FBXO11: variants seen among roughly 807,000 people sequenced by gnomAD.
FBXO11 encodes F-box only protein 11.
In FBXO11, 13 loss-of-function variants were observed where a neutral mutation model predicts 117.0. The observed-to-expected ratio is 0.11, with a 90% CI of 0.07 to 0.18. The LOEUF is 0.18. Among genes scored for constraint, FBXO11 ranks in the 10% least tolerant of loss-of-function variants. The pLI, the probability that FBXO11 is intolerant of heterozygous loss-of-function variation, is 1.00. For synonymous variants in FBXO11, 490 were observed against 380.5 expected (o/e 1.29, Z -3.35); for missense variants, 767 against 1,164.4 (o/e 0.66, Z 4.97).
intron 1 of FBXO11, among the ~76,000 whole-genome samples, chr2:47,872,028 T>A (rs748673182): frequency 1.3e-5 from 2 of 152,230 alleles, no homozygotes; most frequent in African/African-American, 2.4e-5. Context: ...GCTTCTTTTA[T>A]CCCTCTGAAT....
chr2:47,826,027 TAC>T (rs879533351), intron 11 of FBXO11, among the ~76,000 whole-genome samples: 3 of 152,018 alleles, frequency 2.0e-5, no homozygotes, highest in Admixed American at 6.5e-5. Context: ...GTTTTGATTT[TAC>T]AGAGTTAAGA....
At chr2:47,818,092 G>A (rs948174682) in intron 16 of FBXO11, among the ~76,000 whole-genome samples, 2 of 152,192 alleles carry the variant, frequency 1.3e-5, no homozygotes, top group African/African-American at 4.8e-5. Context: ...TCCAGCCTGG[G>A]CAACAAGAGT....
intron 1 of FBXO11, among the ~76,000 whole-genome samples, chr2:47,858,476 G>T (rs1180164613): frequency 6.7e-6 from 1 of 150,364 alleles, no homozygotes; most frequent in Non-Finnish European, 1.5e-5. Flanking sequence ...GAAGTCACGA[G>T]CTCAAGACCA....
chr2:47,852,191 T>A (rs986036383), intron 1 of FBXO11, among the ~76,000 whole-genome samples: 1 of 152,114 alleles, frequency 6.6e-6, no homozygotes, highest in African/African-American at 2.4e-5. Context: ...GGTTTCGCCA[T>A]GTTGGCCAGG....
intron 1 of FBXO11, among the ~76,000 whole-genome samples, chr2:47,868,566 CTACTT>C (rs1431890425): frequency 3.3e-5 from 5 of 152,196 alleles, no homozygotes; most frequent in Non-Finnish European, 5.9e-5. Flanking sequence ...TGACAGCTCT[CTACTT>C]TAATCGCCCA....
rs546267929 is a variant in FBXO11 at position 47,854,780 on chromosome 2, C to A, written c.233-15011G>T. Among the ~76,000 whole-genome samples, 21 of 151,866 alleles carry A rather than the reference C, an allele frequency of 1.4e-4. No homozygotes were observed. The South Asian group carries it at 4.4e-3, about 32-fold the overall frequency. ...GATGCTGATGGTGGTGGACCAGGAT[C>A]ACGCTTTGAGAACCATGGGAGTCAA... On this transcript the variant is annotated intron_variant, in intron 1 of 22. Coordinates refer to ENST00000403359, the MANE Select transcript of FBXO11 (RefSeq NM_001190274.2).
At chr2:47,891,222 C>A (rs185967388) in intron 1 of FBXO11, among the ~76,000 whole-genome samples, 1 of 152,126 alleles carries the variant, frequency 6.6e-6, no homozygotes, top group Admixed American at 6.6e-5. Flanking sequence ...TACTGTATGG[C>A]GGAACTTATT....
chr2:47,810,623 A>T (rs1040211119), intron 18 of FBXO11, 197 bp from the exon 19 acceptor site: 2 of 475,674 alleles, frequency 4.2e-6, no homozygotes, highest in African/African-American at 2.0e-5. Context: ...ATGACAGGTA[A>T]GAGCATTCTG....
intron 1 of FBXO11, among the ~76,000 whole-genome samples, chr2:47,903,758 T>A (rs897815487): frequency 6.6e-6 from 1 of 152,212 alleles, no homozygotes; most frequent in Non-Finnish European, 1.5e-5. Context: ...AGAATTTCAA[T>A]CGAGTGTCAT....
chr2:47,808,491 GT>G (rs1375397002), intron 21 of FBXO11, 64 bp from the exon 22 acceptor site: 208 of 1,391,592 alleles, frequency 1.5e-4, no homozygotes, highest in Non-Finnish European at 2.0e-4. Flanking sequence ...ATTCCATTCT[GT>G]TTATATATTA....
At chr2:47,889,766 A>C (rs905448652) in intron 1 of FBXO11, among the ~76,000 whole-genome samples, 2 of 152,304 alleles carry the variant, frequency 1.3e-5, no homozygotes, top group East Asian at 3.8e-4. Context: ...TCCCCACATA[A>C]AATTATTAAA....
At chr2:47,889,653 T>A (rs1478122273) in intron 1 of FBXO11, among the ~76,000 whole-genome samples, 1 of 151,320 alleles carries the variant, frequency 6.6e-6, no homozygotes, top group Non-Finnish European at 1.5e-5. Flanking sequence ...TTTTAACCAA[T>A]AATGATGAAA....
chr2:47,875,488 CTTT>C (rs904064672), intron 1 of FBXO11, among the ~76,000 whole-genome samples: 2 of 99,848 alleles, frequency 2.0e-5, no homozygotes, highest in African/African-American at 9.4e-5. Flanking sequence ...TTCTGTCATT[CTTT>C]TTTTGTCTTT....
intron 17 of FBXO11, 71 bp from the exon 18 acceptor site, chr2:47,813,448 T>TTTTTTTTTTTA (rs1491382603): frequency 1.1e-6 from 1 of 922,402 alleles, no homozygotes; most frequent in African/African-American, 1.9e-5. Context: ...TTTTTTTTTT[T>TTTTTTTTTTTA]GAGACAGAGT....
At chr2:47,834,420 T>C (rs1015187232) in intron 7 of FBXO11, among the ~76,000 whole-genome samples, 159 bp downstream of exon 7, 7 of 152,162 alleles carry the variant, frequency 4.6e-5, no homozygotes, top group African/African-American at 1.7e-4. Context: ...TGAACTCTTA[T>C]GTTTTCACTT....
chr2:47,860,707 T>C (rs1374405784), intron 1 of FBXO11, among the ~76,000 whole-genome samples: 1 of 151,094 alleles, frequency 6.6e-6, no homozygotes, highest in African/African-American at 2.4e-5. Flanking sequence ...ACGCCCAGCC[T>C]ACCCTGGGTT....
chr2:47,810,673 C>CT (rs1448159836), intron 18 of FBXO11: 5 of 360,322 alleles, frequency 1.4e-5, no homozygotes, highest in African/African-American at 1.1e-4. Context: ...GGGTCCATGT[C>CT]TAAGTTTACT....
intron 1 of FBXO11, among the ~76,000 whole-genome samples, chr2:47,886,369 G>A (rs556617327): frequency 6.6e-6 from 1 of 152,190 alleles, no homozygotes; most frequent in South Asian, 2.1e-4. Flanking sequence ...AGCAGGGCAT[G>A]GTGGCGTGTG....
intron 1 of FBXO11, among the ~76,000 whole-genome samples, chr2:47,875,452 ACATCTTC>A (rs1675928607): frequency 2.0e-5 from 3 of 151,308 alleles, no homozygotes; most frequent in Admixed American, 2.0e-4. Context: ...ACTATTTATT[ACATCTTC>A]CATCTTCCTT....
Sources: allele counts gnomAD v4.1 joint callset (sites outside exome capture counted in the v4.1 genomes callset), GRCh38; gene constraint gnomAD v4.1.1; transcripts MANE v1.5; gene names NCBI Gene and HGNC (gene_info 2026-07-23, HGNC 2026-07-21).